Variants in MAPK6 observed in about 807,000 individuals in gnomAD.
MAPK6 encodes the protein mitogen-activated protein kinase 6, also known as ERK-3.
MAPK6 carries 19 observed loss-of-function variants against 59.3 expected under a neutral mutation model. That is an observed-to-expected ratio of 0.32 (90% CI 0.22 to 0.47). The LOEUF is 0.47. Ranked by LOEUF, MAPK6 falls within the 20% of genes least tolerant of loss-of-function variation. The pLI is 1.00. For synonymous variants in MAPK6, 316 were observed against 290.3 expected (o/e 1.09, Z -0.90); for missense variants, 724 against 847.9 (o/e 0.85, Z 1.81).
intron 2 of MAPK6, among the ~76,000 whole-genome samples, chr15:51,998,865 T>C (rs1252179447): frequency 2.7e-5 from 4 of 149,376 alleles, no homozygotes; most frequent in Non-Finnish European, 1.5e-5. Flanking sequence ...TAATTTTTTG[T>C]ATTTTTAGTA....
rs779407633 is a variant in MAPK6 at position 52,046,443 on chromosome 15, A to G, written c.-18A>G. On this transcript the variant is annotated 5_prime_UTR_variant, in exon 2 of 6. Transcript: ENST00000261845. The stretch of plus-strand genomic sequence containing the variant: ...CAAGTTCAATTTGAAAGGAAAAGGC[A>G]ATAGTAAGGGTTTCAAAATGGCAGA... 2.1e-5 allele frequency: 32 copies of G among 1,554,792 alleles called. No homozygotes were observed. The highest frequency in any genetic ancestry group is 8.7e-7 in the Non-Finnish European group (1 of 1,149,442).
intron 3 of MAPK6, among the ~76,000 whole-genome samples, chr15:52,053,638 G>A (rs2031862756): frequency 5.3e-5 from 2 of 37,852 alleles, no homozygotes; most frequent in African/African-American, 1.7e-4. Flanking sequence ...TTGATTGATT[G>A]ATTGATTGAT....
intron 1 of MAPK6, among the ~76,000 whole-genome samples, chr15:51,975,823 T>G (rs2057155661): frequency 6.6e-6 from 1 of 151,886 alleles, no homozygotes; most frequent in Admixed American, 6.6e-5. Context: ...TCTATAGCAG[T>G]AAGTAAATAC....
At chr15:52,053,552 G>T (rs1596004419) in intron 3 of MAPK6, among the ~76,000 whole-genome samples, 1 of 151,828 alleles carries the variant, frequency 6.6e-6, no homozygotes, top group Admixed American at 6.6e-5. Context: ...CTATTCTGCA[G>T]TTTTTTTTCC....
intron 1 of MAPK6, among the ~76,000 whole-genome samples, chr15:52,030,530 G>T (rs2030986698): frequency 6.6e-6 from 1 of 151,696 alleles, no homozygotes; most frequent in Non-Finnish European, 1.5e-5. Flanking sequence ...ACTTAAATGG[G>T]GCCTGATTAT....
At chr15:51,977,066 C>T (rs1294399103) in intron 1 of MAPK6, among the ~76,000 whole-genome samples, 3 of 151,056 alleles carry the variant, frequency 2.0e-5, no homozygotes, top group African/African-American at 4.8e-5. Flanking sequence ...TGCAGTGGTA[C>T]GATCTTGGCT....
chr15:52,055,511 G>GT (rs527798591), intron 3 of MAPK6, among the ~76,000 whole-genome samples: 3 of 151,960 alleles, frequency 2.0e-5, no homozygotes, highest in Non-Finnish European at 2.9e-5. Context: ...TATACAAAGG[G>GT]TTTTTTTGTT....
At chr15:52,029,739 A>C (rs965203179) in intron 1 of MAPK6, among the ~76,000 whole-genome samples, 3 of 152,172 alleles carry the variant, frequency 2.0e-5, no homozygotes, top group African/African-American at 4.8e-5. Context: ...TTGGTCTCCA[A>C]AATATCACTT....
At chr15:52,001,844 C>A (rs77809113) in intron 2 of MAPK6, among the ~76,000 whole-genome samples, 2,836 of 152,252 alleles carry the variant, frequency 0.019, 94 homozygotes, top group African/African-American at 0.065. Flanking sequence ...TGACTCAATT[C>A]TGTAGGCTCA....
chr15:52,016,959 G>A (rs566110920), upstream of MAPK6, among the ~76,000 whole-genome samples: 24 of 152,238 alleles, frequency 1.6e-4, no homozygotes, highest in African/African-American at 5.1e-4. Context: ...CGGGGGAATC[G>A]CTTGAGCAGA....
At chr15:52,060,885 CTA>C (rs759386875) in intron 4 of MAPK6, among the ~76,000 whole-genome samples, 9 of 152,178 alleles carry the variant, frequency 5.9e-5, no homozygotes, top group Non-Finnish European at 8.8e-5. Context: ...TATGAAATAT[CTA>C]TGTCTACTTT....
chr15:52,027,050 GA>G (rs1277831605), intron 1 of MAPK6, among the ~76,000 whole-genome samples: 23 of 140,980 alleles, frequency 1.6e-4, no homozygotes, highest in Non-Finnish European at 2.9e-4. Context: ...ACTCTGTCTT[GA>G]AAAAAGAAAA....
At chr15:52,039,771 A>T (rs1208253187) in intron 1 of MAPK6, among the ~76,000 whole-genome samples, 1 of 151,030 alleles carries the variant, frequency 6.6e-6, no homozygotes, top group African/African-American at 2.4e-5. Flanking sequence ...CCCACCTTGG[A>T]CTCCCAAAGT....
At position 52,064,790 on chromosome 15, in the gene MAPK6, T is replaced by A. The variant is rs1479489343; in HGVS notation, c.1956T>A (p.Leu652=). The A allele has an allele frequency of 6.2e-7, 1 of 1,611,718 alleles. No homozygotes were observed. The highest frequency in any genetic ancestry group is 8.5e-7 in the Non-Finnish European group (1 of 1,179,794). The change falls in exon 6 of 6, where the codon CTT becomes CTA. Residue 652 remains leucine, a synonymous_variant. Coordinates refer to ENST00000261845, the MANE Select transcript of MAPK6 (RefSeq NM_002748.4). ...CTGAGCCAGTAGAGGATGGGAAGCT[T>A]GGGGAGAGAGGACATGAGGAAGGAT... is the stretch of plus-strand genomic sequence containing the variant. ...LETEPVEDGK[L]GERGHEEGFL...
rs1191514706 is a variant in MAPK6 at position 52,064,525 on chromosome 15, G to A, written c.1691G>A (p.Ser564Asn). The A allele has an allele frequency of 9.9e-6, 16 of 1,609,930 alleles. No individual in the cohort carries two copies. Among genetic ancestry groups the A allele is most frequent in the Non-Finnish European group, 1.3e-5 (15 of 1,179,254 alleles). ...TCAGTGTCCCAACTAGAATTGAAAA[G>A]TTTGATATCAAAGTCAGTAAGCCAA... ...NSSVSQLELK[S>N]LISKSVSQEK... is the part of the protein sequence containing the mutation. Residue 564 changes from serine to asparagine, a missense_variant, in exon 6 of 6, where the codon AGT becomes AAT. Physicochemically the swap from Ser to Asn is conservative, Grantham distance 46. Transcript: ENST00000261845.
intron 1 of MAPK6, chr15:52,021,651 T>C (rs1168515057): frequency 6.6e-6 from 1 of 152,112 alleles, no homozygotes; most frequent in East Asian, 1.9e-4. Flanking sequence ...TTGTTACAGG[T>C]TGTTTATAAA....
chr15:51,996,616 G>C (rs533145326), intron 2 of MAPK6, among the ~76,000 whole-genome samples: 1 of 151,804 alleles, frequency 6.6e-6, no homozygotes, highest in African/African-American at 2.4e-5. Flanking sequence ...GGATAGTCTC[G>C]AACTCCTGGC....
intron 2 of MAPK6, among the ~76,000 whole-genome samples, chr15:52,001,560 G>T (rs1424068870): frequency 6.7e-6 from 1 of 149,808 alleles, no homozygotes. Flanking sequence ...CCAGTCTGGG[G>T]TGCAGTGGTA....
Position 52,064,824 on chromosome 15 carries a change from A to G in MAPK6, c.1990A>G (p.Asn664Asp), listed in dbSNP as rs1650134787. The change falls in exon 6 of 6, where the codon AAC becomes GAC. Residue 664 changes from asparagine (N) to aspartate (D), a missense_variant. Transcript: ENST00000261845. The part of the protein sequence containing the change: ...ERGHEEGFLN[N>D]SGEFLFNKQL... Reference sequence around the variant, plus strand: ...AGGACATGAGGAAGGATTTCTGAACAACAGTGGGGAGTTCCTCTTTAACAA... The same window carrying G: ...AGGACATGAGGAAGGATTTCTGAACGACAGTGGGGAGTTCCTCTTTAACAA... 2 of 1,611,868 alleles carry G rather than the reference A, an allele frequency of 1.2e-6. No homozygotes were observed. Among genetic ancestry groups the G allele is most frequent in the South Asian group, 1.1e-5 (1 of 90,990 alleles).
Sources: gnomAD v4.1 joint callset for allele counts (sites outside exome capture counted in the v4.1 genomes callset) on GRCh38, gnomAD v4.1.1 for gene constraint, MANE v1.5 for transcripts, NCBI Gene and HGNC (gene_info 2026-07-23, HGNC 2026-07-21) for gene names.